The following SMAD5 variants were observed in gnomAD, a reference collection of about 807,000 sequenced individuals.
SMAD5 encodes the protein MAD, mothers against decapentaplegic homolog 5.
SMAD5 carries 9 observed loss-of-function variants against 43.1 expected under a neutral mutation model. The observed-to-expected ratio is 0.21, with a 90% CI of 0.13 to 0.36. The LOEUF (loss-of-function observed/expected upper bound fraction) is 0.36. Among genes scored for constraint, SMAD5 ranks in the 10% least tolerant of loss-of-function variants. The pLI, the probability that SMAD5 is intolerant of heterozygous loss-of-function variation, is 1.00. For missense variants in SMAD5, 348 were observed against 574.0 expected, an observed-to-expected ratio of 0.61 and a Z score of 4.02; for synonymous variants, 190 against 192.4, an observed-to-expected ratio of 0.99 and a Z score of 0.10.
At chr5:136,154,200 A>G in intron 3 of SMAD5, 37 bp downstream of exon 3, 1 of 1,347,870 alleles carries the variant, frequency 7.4e-7, no homozygotes, top group African/African-American at 1.5e-5. Context: ...GGAAAAACAA[A>G]AACAAAAAAC....
intron 1 of SMAD5, among the ~76,000 whole-genome samples, chr5:136,138,945 T>A (rs1752977447): frequency 6.6e-6 from 1 of 152,254 alleles, no homozygotes; most frequent in African/African-American, 2.4e-5. Flanking sequence ...TGACCCATTA[T>A]GGGCATTTAT....
intron 5 of SMAD5, among the ~76,000 whole-genome samples, chr5:136,169,023 A>G (rs186938922): frequency 6.6e-6 from 1 of 152,290 alleles, no homozygotes; most frequent in East Asian, 1.9e-4. Context: ...GTCCCACGAT[A>G]GGCCATCTGC....
At chr5:136,148,957 C>T (rs944694543) in intron 2 of SMAD5, among the ~76,000 whole-genome samples, 1 of 151,906 alleles carries the variant, frequency 6.6e-6, no homozygotes, top group Non-Finnish European at 1.5e-5. Context: ...TGAACTTCTG[C>T]ATATGGTATA....
At chr5:136,154,213 C>G (rs1222655460) in intron 3 of SMAD5, 50 bp downstream of exon 3, 1 of 1,205,034 alleles carries the variant, frequency 8.3e-7, no homozygotes, top group African/African-American at 1.6e-5. Context: ...CAAAAAACCT[C>G]TCTTCCTGAT....
At chr5:136,146,078 T>C (rs974107871) in intron 1 of SMAD5, among the ~76,000 whole-genome samples, 19 of 151,958 alleles carry the variant, frequency 1.3e-4, no homozygotes, top group Non-Finnish European at 2.4e-4. Context: ...AGAGTTAGTC[T>C]GGATCTGATT....
chr5:136,169,585 A>G (rs1754143421), intron 5 of SMAD5, among the ~76,000 whole-genome samples: 1 of 152,224 alleles, frequency 6.6e-6, no homozygotes, highest in African/African-American at 2.4e-5. Flanking sequence ...GCTGGTATAA[A>G]CATTCATGTG....
chr5:136,132,983 C>G (rs1016436678), intron 1 of SMAD5, 21 bp downstream of exon 1: 3 of 152,470 alleles, frequency 2.0e-5, no homozygotes, highest in African/African-American at 7.2e-5. Flanking sequence ...GTCCCCGGCG[C>G]GCGCGGGCGA....
chr5:136,165,426 C>T (rs915488025), intron 5 of SMAD5, among the ~76,000 whole-genome samples: 7 of 151,730 alleles, frequency 4.6e-5, no homozygotes, highest in Admixed American at 3.9e-4. Flanking sequence ...ATAAATTTTA[C>T]CATCTTAACT....
At chr5:136,168,956 A>AAT (rs1334421901) in intron 5 of SMAD5, among the ~76,000 whole-genome samples, 1 of 152,108 alleles carries the variant, frequency 6.6e-6, no homozygotes, top group Non-Finnish European at 1.5e-5. Flanking sequence ...GGATATATGT[A>AAT]ATATATATGA....
In SMAD5 at chr5:136,137,017, ATTTTTTT is replaced by A. The variant is rs60239443; in HGVS notation, c.-245+4069_-245+4075del. On this transcript the variant is annotated intron_variant, in intron 1 of 7. Transcript: ENST00000545279. ...TGGCTGGGCTCTTTATTTAGTTTTG[ATTTTTTT>A]TTTTTTTTTTTTTGCCTTGGGCAGC... Among the ~76,000 whole-genome samples the A allele has an allele frequency of 3.0e-4, 33 of 108,996 alleles. No homozygotes were observed. In the South Asian group the frequency reaches 7.9e-3, roughly 26 times the overall value. The allele number at this position is 108,996 out of a possible 152,430, so 71.5% of individuals were successfully genotyped here. A position where few individuals can be genotyped will look rare whatever the true frequency, so the allele number is the denominator to read the frequency against.
At chr5:136,157,769 C>T (rs1320642647) in intron 3 of SMAD5, among the ~76,000 whole-genome samples, 2 of 152,178 alleles carry the variant, frequency 1.3e-5, no homozygotes, top group Non-Finnish European at 2.9e-5. Flanking sequence ...CGCTCACTCT[C>T]TCTCACCATC....
chr5:136,141,555 A>G (rs190313018), intron 1 of SMAD5, among the ~76,000 whole-genome samples: 13 of 152,286 alleles, frequency 8.5e-5, no homozygotes, highest in Admixed American at 7.8e-4. Flanking sequence ...GGACTTAGAA[A>G]AAGGCCTTCT....
At chr5:136,138,786 C>T (rs568302746) in intron 1 of SMAD5, among the ~76,000 whole-genome samples, 1 of 152,088 alleles carries the variant, frequency 6.6e-6, no homozygotes, top group Non-Finnish European at 1.5e-5. Context: ...CTGCATGGTC[C>T]GAGATTCTTG....
rs75738606 is a variant in SMAD5, at chr5:136,142,276, G to A, written c.-244-5556G>A. Among the ~76,000 whole-genome samples, 1,240 of 152,278 alleles carry A rather than the reference G, an allele frequency of 8.1e-3. 28 individuals are homozygous for A. Among genetic ancestry groups the A allele is most frequent in the African/African-American group, 0.029 (1,186 of 41,560 alleles). The stretch of plus-strand genomic sequence containing the variant: ...TAAGAGGGGGACTTCTAGCCAGGAC[G>A]GTTTGGGAAGACTTCCCCGAAGAAG... On this transcript the variant is annotated intron_variant, in intron 1 of 7. Transcript: ENST00000545279.
In SMAD5 at chr5:136,160,762, A is replaced by AT. The variant is rs1753794866; in HGVS notation, c.404-94_404-93insT. 1.4e-5 allele frequency: 17 copies of AT among 1,202,664 alleles called. No homozygotes were observed. In the South Asian group the frequency reaches 2.4e-4, roughly 17 times the overall value. 74.5% of individuals were successfully genotyped at this position (1,202,664 alleles called of 1,614,324 possible). A position where few individuals can be genotyped will look rare whatever the true frequency, so the allele number is the denominator to read the frequency against. ...AAGTAAATTGTTTTAATAGGTTTAC[A>AT]GTCTTACATGAATCCTTTCTACCAA... is the stretch of plus-strand genomic sequence containing the variant. On this transcript the variant is annotated intron_variant, in intron 3 of 7. Coordinates refer to ENST00000545279, the MANE Select transcript of SMAD5 (RefSeq NM_005903.7).
At chr5:136,173,509 T>G (rs1018036560) in intron 6 of SMAD5, among the ~76,000 whole-genome samples, 1 of 152,176 alleles carries the variant, frequency 6.6e-6, no homozygotes. Flanking sequence ...AAAGTTTTCA[T>G]TGTCTTGAGT....
chr5:136,165,008 A>G (rs900891860), intron 5 of SMAD5, among the ~76,000 whole-genome samples: 1 of 152,186 alleles, frequency 6.6e-6, no homozygotes, highest in Non-Finnish European at 1.5e-5. Flanking sequence ...GTCAGAAATC[A>G]ATTGACTGTA....
rs1184852647 is a variant in SMAD5 at position 136,178,810 on chromosome 5, T to A, written c.*1330T>A. ...TGGCTCACACCTGTAATCCCAGCAC[T>A]TTGGGAGGCTGAGGCAGGCAGATCA... On this transcript the variant is annotated 3_prime_UTR_variant, in exon 8 of 8. Transcript: ENST00000545279. 1 of 152,356 alleles carries A rather than the reference T, an allele frequency of 6.6e-6. No individual in the cohort carries two copies. The highest frequency in any genetic ancestry group is 1.5e-5 in the Non-Finnish European group (1 of 68,202). 9.4% of individuals were successfully genotyped at this position (152,356 alleles called of 1,614,324 possible).
chr5:136,166,193 A>T, intron 5 of SMAD5, among the ~76,000 whole-genome samples: 1 of 151,540 alleles, frequency 6.6e-6, no homozygotes, highest in African/African-American at 2.4e-5. Flanking sequence ...TAATTGACAA[A>T]TGAAAAATTG....
Sources: gnomAD v4.1 joint callset for allele counts (sites outside exome capture counted in the v4.1 genomes callset) on GRCh38, gnomAD v4.1.1 for gene constraint, MANE v1.5 for transcripts, NCBI Gene and HGNC (gene_info 2026-07-23, HGNC 2026-07-21) for gene names.